Variants in ABCA13 observed in about 807,000 individuals in gnomAD.
The protein encoded by ABCA13 is ATP-binding cassette sub-family A member 13.
Under a neutral mutation model 478.7 loss-of-function variants are expected in ABCA13, and 476 were observed. The ratio of observed to expected loss-of-function variants is 0.99; its 90% confidence interval spans 0.92 to 1.07. The LOEUF (loss-of-function observed/expected upper bound fraction) is 1.07. ABCA13 is among the 50% of genes least tolerant of loss of function. The probability of loss-of-function intolerance (pLI) is 0.00; values close to 1 mark genes in which losing one functional copy is unlikely to be tolerated. For missense variants in ABCA13, 6,060 were observed against 5,910.6 expected (o/e 1.03, Z -0.83); for synonymous variants, 2,252 against 2,158.9 (o/e 1.04, Z -1.20).
At chr7:48,179,558 G>A (rs1177221369) in intron 1 of ABCA13, among the ~76,000 whole-genome samples, 1 of 152,210 alleles carries the variant, frequency 6.6e-6, no homozygotes, top group African/African-American at 2.4e-5. Context: ...GAGCTCCTGG[G>A]AGAATTGTAC....
intron 55 of ABCA13, among the ~76,000 whole-genome samples, chr7:48,532,604 A>G (rs1833315604): frequency 6.6e-6 from 1 of 152,090 alleles, no homozygotes; most frequent in African/African-American, 2.4e-5. Context: ...AATGTCTGAT[A>G]GAATTCAGCT....
intron 32 of ABCA13, among the ~76,000 whole-genome samples, chr7:48,369,381 C>T (rs1422453065): frequency 6.6e-6 from 1 of 152,108 alleles, no homozygotes; most frequent in East Asian, 1.9e-4. Flanking sequence ...TGTGCAGAAG[C>T]CATTTAGTTT....
At position 48,409,175 on chromosome 7, in the gene ABCA13, G is replaced by C. The variant is rs554823298; in HGVS notation, c.12071-1345G>C. Among the ~76,000 whole-genome samples the C allele has an allele frequency of 9.8e-5, 15 of 152,312 alleles. 1 individual carries two copies. The East Asian group carries it at 2.9e-3, about 29-fold the overall frequency. On this transcript the variant is annotated intron_variant, in intron 39 of 61. Coordinates refer to ENST00000435803, the MANE Select transcript of ABCA13 (RefSeq NM_152701.5). Reference sequence around the variant, plus strand: ...CTTTGGAACAAGAATCAGTCAATGAGTTTCTTTCTATTTAATAAAACGGAA... The same window carrying C: ...CTTTGGAACAAGAATCAGTCAATGACTTTCTTTCTATTTAATAAAACGGAA...
chr7:48,377,441 T>G (rs1396843934), intron 35 of ABCA13, among the ~76,000 whole-genome samples: 1 of 151,784 alleles, frequency 6.6e-6, no homozygotes, highest in African/African-American at 2.4e-5. Flanking sequence ...AACTAAAAAT[T>G]AAAAAAAATG....
At chr7:48,391,806 G>A in intron 37 of ABCA13, 115 bp from the exon 38 acceptor site, 1 of 961,534 alleles carries the variant, frequency 1.0e-6, no homozygotes, top group Non-Finnish European at 1.6e-6. Context: ...AACCAGGTCA[G>A]CAGAAGGTGA....
At chr7:48,638,829 T>A (rs759660563) in intron 59 of ABCA13, among the ~76,000 whole-genome samples, 11 of 152,112 alleles carry the variant, frequency 7.2e-5, no homozygotes, top group Non-Finnish European at 1.3e-4. Context: ...GTGATAAGAG[T>A]AAAATGAAAT....
intron 15 of ABCA13, among the ~76,000 whole-genome samples, chr7:48,254,235 T>G (rs554593304): frequency 5.3e-5 from 8 of 152,212 alleles, no homozygotes; most frequent in African/African-American, 1.7e-4. Context: ...TTTCCTATTT[T>G]TTTCCCCAAT....
chr7:48,555,285 C>T (rs559669335), intron 55 of ABCA13, among the ~76,000 whole-genome samples: 1 of 151,626 alleles, frequency 6.6e-6, no homozygotes, highest in Admixed American at 6.6e-5. Flanking sequence ...GATATTGGCA[C>T]ATAGTTTTCT....
intron 42 of ABCA13, among the ~76,000 whole-genome samples, chr7:48,441,463 C>T (rs1331719093): frequency 6.6e-6 from 1 of 152,114 alleles, no homozygotes; most frequent in Admixed American, 6.6e-5. Context: ...TAAGGGATAG[C>T]TCTGAAATAA....
intron 32 of ABCA13, among the ~76,000 whole-genome samples, chr7:48,368,687 G>GTATATATATATATA (rs201820250): frequency 1.8e-4 from 22 of 122,746 alleles, no homozygotes; most frequent in African/African-American, 5.2e-4. Flanking sequence ...GTGTGTATGT[G>GTATATATATATATA]TATATATATA....
chr7:48,511,743 C>A (rs4144065), intron 51 of ABCA13, among the ~76,000 whole-genome samples: 25,086 of 151,896 alleles, frequency 0.17, 2,288 homozygotes, highest in East Asian at 0.3. Context: ...TTATATCTAT[C>A]CGGTATCAGG....
intron 55 of ABCA13, among the ~76,000 whole-genome samples, chr7:48,557,402 C>T (rs1002441872): frequency 5.9e-5 from 9 of 152,130 alleles, no homozygotes; most frequent in South Asian, 4.1e-4. Context: ...TGAAATCATT[C>T]GGCTTTTCTT....
At position 48,279,154 on chromosome 7, in the gene ABCA13, A is replaced by G. The variant is rs1355700408; in HGVS notation, c.7960A>G (p.Ser2654Gly). Residue 2654 changes from serine (S) to glycine (G), a missense_variant, in exon 18 of 62, where the codon AGT becomes GGT. Transcript: ENST00000435803. ...GAAAATGAACTTGGAAGATATGAGG[A>G]GTCTTGCGGTAGCATTTAACAATGA... ...SVKMNLEDMR[S>G]LAVAFNNETQ... 3 of 1,605,028 alleles carry G rather than the reference A, an allele frequency of 1.9e-6. No individual in the cohort carries two copies. Among genetic ancestry groups the G allele is most frequent in the African/African-American group, 1.3e-5 (1 of 74,892 alleles).
Position 48,221,557 on chromosome 7 carries a change from C to T in ABCA13, c.468+248C>T, listed in dbSNP as rs150203902. On this transcript the variant is annotated intron_variant, in intron 5 of 61. Coordinates refer to ENST00000435803, the MANE Select transcript of ABCA13 (RefSeq NM_152701.5). ...AAACCTGAGGCCAGCAGGTGGTGGG[C>T]GATCCACAGAGTTGCTTTGTAAGAT... Among the ~76,000 whole-genome samples, 1,213 of 152,268 alleles carry T rather than the reference C, an allele frequency of 8.0e-3. 63 individuals are homozygous for T. Among genetic ancestry groups the T allele is most frequent in the Admixed American group, 0.074 (1,130 of 15,292 alleles).
chr7:48,576,724 C>A (rs1788223380), intron 55 of ABCA13, among the ~76,000 whole-genome samples: 1 of 151,976 alleles, frequency 6.6e-6, no homozygotes, highest in Non-Finnish European at 1.5e-5. Flanking sequence ...TAGGCAAACC[C>A]AAAGACAACT....
intron 3 of ABCA13, among the ~76,000 whole-genome samples, chr7:48,206,479 C>T (rs1461375467): frequency 6.6e-6 from 1 of 152,132 alleles, no homozygotes; most frequent in African/African-American, 2.4e-5. Flanking sequence ...ATGAAATTGC[C>T]TAAGAATGCA....
At chr7:48,362,409 C>CTTTTTTTTTT (rs35795708) in intron 31 of ABCA13, among the ~76,000 whole-genome samples, 36 of 85,948 alleles carry the variant, frequency 4.2e-4, no homozygotes, top group East Asian at 6.9e-4. Context: ...TCCTCTTCTT[C>CTTTTTTTTTT]TTTTTTTTTT....
chr7:48,191,300 G>A (rs1797072479), intron 1 of ABCA13, among the ~76,000 whole-genome samples: 1 of 152,226 alleles, frequency 6.6e-6, no homozygotes, highest in Non-Finnish European at 1.5e-5. Flanking sequence ...ATCAGAATGT[G>A]TGAAACTAGG....
intron 54 of ABCA13, 94 bp downstream of exon 54, chr7:48,524,534 C>A: frequency 8.3e-7 from 1 of 1,208,688 alleles, no homozygotes; most frequent in Non-Finnish European, 1.1e-6. Context: ...TATTTGAAAT[C>A]AGAGCCAAAA....
Sources: allele counts gnomAD v4.1 joint callset (sites outside exome capture counted in the v4.1 genomes callset), GRCh38; gene constraint gnomAD v4.1.1; transcripts MANE v1.5; gene names NCBI Gene and HGNC (gene_info 2026-07-23, HGNC 2026-07-21).